SOX6: variants seen among roughly 807,000 people sequenced by gnomAD.
SOX6 encodes SRY-box transcription factor 6, also known as transcription factor SOX-6.
Under a neutral mutation model 97.8 loss-of-function variants are expected in SOX6, and 11 were observed. The ratio of observed to expected loss-of-function variants is 0.11; its 90% CI spans 0.07 to 0.19. The LOEUF (loss-of-function observed/expected upper bound fraction) is 0.19, where lower values mean the gene tolerates loss of function less well. SOX6 is among the 10% of genes least tolerant of loss of function. The pLI is 1.00. For synonymous variants in SOX6, 360 were observed against 371.4 expected (o/e 0.97, Z 0.35); for missense variants, 810 against 1,039.5 (o/e 0.78, Z 3.04).
At chr11:16,710,002 CTATT>C (rs1848165497) in intron 3 of SOX6, among the ~76,000 whole-genome samples, 1 of 152,044 alleles carries the variant, frequency 6.6e-6, no homozygotes, top group Non-Finnish European at 1.5e-5. Flanking sequence ...CTTTCAAATG[CTATT>C]TATTACTTAT....
intron 9 of SOX6, among the ~76,000 whole-genome samples, chr11:16,083,439 GT>G (rs1386216064): frequency 6.6e-6 from 1 of 152,084 alleles, no homozygotes; most frequent in African/African-American, 2.4e-5. Flanking sequence ...GCCTTACTTT[GT>G]TTTGTTAATG....
chr11:16,673,794 A>T (rs1590047296), intron 3 of SOX6, among the ~76,000 whole-genome samples: 1 of 152,210 alleles, frequency 6.6e-6, no homozygotes, highest in African/African-American at 2.4e-5. Flanking sequence ...CCAGGCAAAG[A>T]TATATCAAAA....
chr11:16,342,136 TACATGACAACGTCTCC>T (rs953649934), intron 1 of SOX6, among the ~76,000 whole-genome samples: 3 of 151,998 alleles, frequency 2.0e-5, no homozygotes, highest in Admixed American at 2.0e-4. Flanking sequence ...GACTACACGC[TACATGACAACGTCTCC>T]ATTCTGTGCT....
In SOX6 at chr11:16,007,921, T is replaced by C. The variant is rs144026075; in HGVS notation, c.1732+7021A>G. Among the ~76,000 whole-genome samples, 1,117 of 152,216 alleles carry C rather than the reference T, an allele frequency of 7.3e-3. 16 individuals are homozygous for C. Among genetic ancestry groups the C allele is most frequent in the African/African-American group, 0.025 (1,038 of 41,534 alleles). ...TCTTGGGTTTAATTTTCATGGTAGA[T>C]AGTATTAATCTTTCATTGCTCAGTT... On this transcript the variant is annotated intron_variant, in intron 13 of 15. Coordinates refer to ENST00000683767, the MANE Select transcript of SOX6 (RefSeq NM_001367873.1).
chr11:16,645,073 T>C (rs757069205), intron 3 of SOX6, among the ~76,000 whole-genome samples: 11 of 152,234 alleles, frequency 7.2e-5, no homozygotes, highest in Non-Finnish European at 1.5e-4. Context: ...GGAATATTTC[T>C]CAACACATTT....
chr11:16,242,267 A>G (rs1051813358), intron 3 of SOX6, among the ~76,000 whole-genome samples: 2 of 151,984 alleles, frequency 1.3e-5, no homozygotes, highest in Admixed American at 1.3e-4. Context: ...TTGTATTACA[A>G]CTGCCTACAG....
chr11:16,364,560 G>A (rs906655421), intron 1 of SOX6, among the ~76,000 whole-genome samples: 1 of 151,980 alleles, frequency 6.6e-6, no homozygotes, highest in African/African-American at 2.4e-5. Flanking sequence ...TATCTTCCTT[G>A]TGTTTATTTT....
rs1855214950 is a variant in SOX6 at position 16,300,122 on chromosome 11, G to C, written c.445+18324C>G. The stretch of plus-strand genomic sequence containing the variant: ...AGGTGAGGGCGGCTGCTCACTGTGG[G>C]ATGGCAAGCGAGGCCCTTCCTCCTT... On this transcript the variant is annotated intron_variant, in intron 3 of 15. Coordinates refer to ENST00000683767, the MANE Select transcript of SOX6 (RefSeq NM_001367873.1). This position sits in a 1 kb window ranked among gnomAD's most constrained non-coding sequence, Gnocchi z 4.1. Among the ~76,000 whole-genome samples, 2 of 152,208 alleles carry C rather than the reference G, an allele frequency of 1.3e-5. No homozygotes were observed. Among genetic ancestry groups the C allele is most frequent in the South Asian group, 4.1e-4 (2 of 4,820 alleles).
intron 2 of SOX6, among the ~76,000 whole-genome samples, chr11:16,328,259 G>T (rs541412871): frequency 3.0e-4 from 45 of 152,190 alleles, no homozygotes; most frequent in African/African-American, 1.1e-3. Context: ...GTTCACTATG[G>T]TATATATTCT....
At chr11:16,307,752 T>TA (rs1453681092) in intron 3 of SOX6, among the ~76,000 whole-genome samples, 1 of 152,238 alleles carries the variant, frequency 6.6e-6, no homozygotes, top group East Asian at 1.9e-4. Context: ...GTTGCCGCTG[T>TA]AATGGTGCTG....
At chr11:16,184,078 A>C in intron 5 of SOX6, 124 bp from the exon 6 acceptor site, 1 of 872,112 alleles carries the variant, frequency 1.1e-6, no homozygotes, top group Non-Finnish European at 1.8e-6. Context: ...GTTCCTATAA[A>C]ATGAGAGAGG....
intron 6 of SOX6, among the ~76,000 whole-genome samples, chr11:16,143,544 G>C (rs1348004587): frequency 6.6e-6 from 1 of 152,160 alleles, no homozygotes; most frequent in Non-Finnish European, 1.5e-5. Flanking sequence ...CCAATTAAAA[G>C]ACACAGATTG....
intron 4 of SOX6, among the ~76,000 whole-genome samples, chr11:16,557,145 C>T (rs1847757611): frequency 6.6e-6 from 1 of 151,780 alleles, no homozygotes; most frequent in African/African-American, 2.4e-5. Flanking sequence ...CCTAACTTCA[C>T]TTAAATACTG....
chr11:16,525,873 C>G (rs896823209), intron 4 of SOX6, among the ~76,000 whole-genome samples: 4 of 149,888 alleles, frequency 2.7e-5, no homozygotes, highest in African/African-American at 9.7e-5. Flanking sequence ...CCAAAAGACA[C>G]ATGAAAAAAA....
chr11:15,993,886 T>A (rs1192106595), intron 13 of SOX6, among the ~76,000 whole-genome samples: 1 of 152,208 alleles, frequency 6.6e-6, no homozygotes, highest in Non-Finnish European at 1.5e-5. Context: ...GAACTAATCC[T>A]GGAGAGGCCC....
chr11:16,178,389 A>G (rs937036655), intron 6 of SOX6, among the ~76,000 whole-genome samples: 3 of 152,008 alleles, frequency 2.0e-5, no homozygotes, highest in Non-Finnish European at 4.4e-5. Flanking sequence ...ATTACATAAA[A>G]GAAATAATTA....
intron 13 of SOX6, among the ~76,000 whole-genome samples, chr11:15,997,788 TCA>T (rs1216419126): frequency 5.3e-5 from 8 of 152,158 alleles, no homozygotes; most frequent in Non-Finnish European, 1.2e-4. Context: ...ATGTCCACTC[TCA>T]CCATTGTTAA....
intron 4 of SOX6, among the ~76,000 whole-genome samples, chr11:16,196,331 C>T (rs1308590234): frequency 6.6e-6 from 1 of 152,162 alleles, no homozygotes; most frequent in Non-Finnish European, 1.5e-5. Context: ...AGATTCTGTC[C>T]TCTTAACCAC....
chr11:16,453,874 T>G (rs1346836503), intron 1 of SOX6, among the ~76,000 whole-genome samples: 3 of 152,120 alleles, frequency 2.0e-5, no homozygotes, highest in Non-Finnish European at 4.4e-5. Flanking sequence ...TTGCTGAAAT[T>G]ACTTACCGCC....
Sources: allele counts gnomAD v4.1 joint callset (sites outside exome capture counted in the v4.1 genomes callset), GRCh38; gene constraint gnomAD v4.1.1; non-coding constraint Gnocchi (gnomAD v3.1); transcripts MANE v1.5; gene names NCBI Gene and HGNC (gene_info 2026-07-23, HGNC 2026-07-21).